Variants in IPP observed in about 807,000 individuals in gnomAD.
IPP encodes intracisternal A particle-promoted polypeptide.
In IPP, 41 loss-of-function variants were observed where a neutral mutation model predicts 64.1. The observed-to-expected ratio is 0.64, with a 90% CI of 0.50 to 0.83. IPP has a LOEUF of 0.83. Ranked by LOEUF, IPP falls within the 40% of genes least tolerant of loss-of-function variation. IPP has a pLI of 0.00. For missense variants in IPP, 649 were observed against 703.0 expected (o/e 0.92, Z 0.87); for synonymous variants, 214 against 235.2 (o/e 0.91, Z 0.83).
chr1:45,719,409 T>C (rs1037047581), intron 5 of IPP, 69 bp from the exon 6 acceptor site: 62 of 935,566 alleles, frequency 6.6e-5, no homozygotes, highest in Non-Finnish European at 9.1e-5. Context: ...CATAACACAA[T>C]ATTCAGTAGT....
chr1:45,719,175 C>T, intron 6 of IPP, 28 bp downstream of exon 6: 2 of 1,608,874 alleles, frequency 1.2e-6, no homozygotes, highest in Non-Finnish European at 1.7e-6. Context: ...ACAATATTAG[C>T]TATCTTTAAA....
chr1:45,737,067 G>C (rs1355227252), intron 3 of IPP, among the ~76,000 whole-genome samples: 1 of 137,636 alleles, frequency 7.3e-6, no homozygotes, highest in African/African-American at 2.6e-5. Context: ...AAAAGAAAAA[G>C]CTGTAGGAAA....
rs1222005785 is a variant in IPP, at chr1:45,750,618, G to C, written c.-72C>G. The C allele has an allele frequency of 2.0e-5, 3 of 152,532 alleles. No individual in the cohort carries two copies. The highest frequency in any genetic ancestry group is 2.9e-5 in the Non-Finnish European group (2 of 68,176). 9.4% of individuals were successfully genotyped at this position (152,532 alleles called of 1,614,324 possible). A position where few individuals can be genotyped will look rare whatever the true frequency, so the allele number is the denominator to read the frequency against. ...TTACCCGCCGCTTCCCCTTCCCTCC[G>C]GCGCCCGCTCAGGCCCTGCGCGCGC... On this transcript the variant is annotated 5_prime_UTR_variant, in exon 1 of 9. Coordinates refer to ENST00000396478, the MANE Select transcript of IPP (RefSeq NM_005897.3).
intron 3 of IPP, among the ~76,000 whole-genome samples, chr1:45,738,157 T>C (rs1008394557): frequency 4.6e-5 from 7 of 152,338 alleles, no homozygotes; most frequent in Admixed American, 2.6e-4. Context: ...ACTGCACTTG[T>C]TCTTTTGCAG....
intron 8 of IPP, among the ~76,000 whole-genome samples, chr1:45,709,287 G>T (rs1029457584): frequency 2.0e-5 from 3 of 150,730 alleles, no homozygotes; most frequent in Admixed American, 6.6e-5. Context: ...CAAAAAATTA[G>T]CCAGGCTTGG....
At chr1:45,708,301 T>C (rs891010080) in intron 8 of IPP, among the ~76,000 whole-genome samples, 2 of 151,416 alleles carry the variant, frequency 1.3e-5, no homozygotes, top group Non-Finnish European at 2.9e-5. Context: ...CCTGACCTCC[T>C]GATCTGCCCG....
At position 45,746,342 on chromosome 1, in the gene IPP, A is replaced by C; in HGVS notation, c.70T>G (p.Leu24Val). The C allele has an allele frequency of 6.2e-7, 1 of 1,614,096 alleles. No individual in the cohort carries two copies. Among genetic ancestry groups the C allele is most frequent in the South Asian group, 1.1e-5 (1 of 91,092 alleles). ...TTTCTCATCTTATTGATTTGGGCCA[A>C]GATGAGTTGGGCATGTTTATCTGAT... The part of the protein sequence containing the change: ...FSSDKHAQLI[L>V]AQINKMRNGQ... The change falls in exon 2 of 9, where the codon TTG becomes GTG. Residue 24 changes from leucine (L) to valine (V), a missense_variant. Leu to Val is a conservative substitution (Grantham distance 32). Coordinates refer to ENST00000396478, the MANE Select transcript of IPP (RefSeq NM_005897.3).
chr1:45,704,427 G>A (rs1569948326), intron 8 of IPP, among the ~76,000 whole-genome samples: 3 of 152,068 alleles, frequency 2.0e-5, no homozygotes, highest in Admixed American at 1.3e-4. Flanking sequence ...TAGTAGAGAT[G>A]GGGTTTCACC....
At chr1:45,708,192 G>A (rs1043693295) in intron 8 of IPP, among the ~76,000 whole-genome samples, 2 of 151,412 alleles carry the variant, frequency 1.3e-5, no homozygotes, top group Admixed American at 6.6e-5. Flanking sequence ...AGCCTCCCAA[G>A]TGGCTAGGAC....
At chr1:45,739,015 A>G (rs1646021278) in intron 3 of IPP, among the ~76,000 whole-genome samples, 2 of 152,184 alleles carry the variant, frequency 1.3e-5, no homozygotes, top group Admixed American at 1.3e-4. Context: ...CTTATACAAC[A>G]TAGCTACTGC....
chr1:45,733,688 C>T (rs372044581), intron 3 of IPP, among the ~76,000 whole-genome samples: 10 of 151,714 alleles, frequency 6.6e-5, no homozygotes, highest in African/African-American at 2.4e-4. Context: ...AAAAATTAGT[C>T]GGGTGTGGCG....
intron 3 of IPP, among the ~76,000 whole-genome samples, chr1:45,739,396 G>A: frequency 6.7e-6 from 1 of 148,380 alleles, no homozygotes; most frequent in Non-Finnish European, 1.5e-5. Flanking sequence ...ACCGTGCTGG[G>A]CTAATTTTTT....
intron 3 of IPP, among the ~76,000 whole-genome samples, chr1:45,732,732 T>G (rs1645927908): frequency 1.3e-5 from 2 of 152,114 alleles, no homozygotes; most frequent in African/African-American, 4.8e-5. Flanking sequence ...AGTGGTGCGA[T>G]CTCAGCTCCC....
chr1:45,743,681 C>T (rs796277619), intron 2 of IPP, among the ~76,000 whole-genome samples: 9 of 151,926 alleles, frequency 5.9e-5, no homozygotes, highest in African/African-American at 1.2e-4. Flanking sequence ...TGCATTCCAG[C>T]GTGGGTGACA....
chr1:45,747,834 C>CAAAAAAAAAAAAA (rs60576414), intron 1 of IPP, among the ~76,000 whole-genome samples: 1 of 39,296 alleles, frequency 2.5e-5, no homozygotes, highest in Non-Finnish European at 4.4e-5. Flanking sequence ...GACTCTGTCT[C>CAAAAAAAAAAAAA]AAAAAAAAAA....
chr1:45,700,891 T>C (rs1645442030), intron 8 of IPP, among the ~76,000 whole-genome samples: 1 of 152,194 alleles, frequency 6.6e-6, no homozygotes. Flanking sequence ...TAAAAGCCTT[T>C]AGTATTTTAA....
At chr1:45,722,954 A>G (rs1557748463) in intron 5 of IPP, among the ~76,000 whole-genome samples, 1 of 152,256 alleles carries the variant, frequency 6.6e-6, no homozygotes, top group African/African-American at 2.4e-5. Context: ...ATTAGCGGTT[A>G]CTAGGGTTTA....
At chr1:45,725,178 C>T (rs1645801288) in intron 5 of IPP, among the ~76,000 whole-genome samples, 1 of 134,744 alleles carries the variant, frequency 7.4e-6, no homozygotes, top group African/African-American at 2.8e-5. Context: ...GTCAGCCCCC[C>T]GCCCGGCCAG....
chr1:45,714,544 A>G (rs867500384), intron 7 of IPP, 78 bp from the exon 8 acceptor site: 2 of 832,276 alleles, frequency 2.4e-6, no homozygotes, highest in Admixed American at 3.7e-5. Context: ...ATTGTGATCT[A>G]TGTTTCCAAT....
Sources: gnomAD v4.1 joint callset for allele counts (sites outside exome capture counted in the v4.1 genomes callset) on GRCh38, gnomAD v4.1.1 for gene constraint, MANE v1.5 for transcripts, NCBI Gene and HGNC (gene_info 2026-07-23, HGNC 2026-07-21) for gene names.